NUBPL: variants seen among roughly 807,000 people sequenced by gnomAD.
NUBPL encodes the protein NUBP iron-sulfur cluster assembly factor, mitochondrial, also known as iron-sulfur cluster transfer protein NUBPL.
A neutral mutation model predicts 45.7 loss-of-function variants in NUBPL; 31 were observed. The ratio of observed to expected loss-of-function variants is 0.68; its 90% CI spans 0.51 to 0.92. NUBPL has a LOEUF of 0.92. Among genes scored for constraint, NUBPL ranks in the 40% least tolerant of loss-of-function variants. The probability of loss-of-function intolerance (pLI) is 0.00; values close to 1 mark genes in which losing one functional copy is unlikely to be tolerated. For synonymous variants in NUBPL, 144 were observed against 140.9 expected (o/e 1.02, Z -0.15); for missense variants, 401 against 398.7 (o/e 1.01, Z -0.05).
chr14:31,802,431 A>G (rs2039609686), intron 7 of NUBPL, among the ~76,000 whole-genome samples: 1 of 152,038 alleles, frequency 6.6e-6, no homozygotes, highest in South Asian at 2.1e-4. Flanking sequence ...GCGTGCCACC[A>G]TGCCTGGCTA....
chr14:31,747,077 A>G (rs1240955237), intron 6 of NUBPL, among the ~76,000 whole-genome samples: 2 of 150,202 alleles, frequency 1.3e-5, no homozygotes, highest in Non-Finnish European at 3.0e-5. Context: ...GTCTCCAAAA[A>G]AAAAAAAAAA....
At chr14:31,753,235 C>A (rs1167893035) in intron 6 of NUBPL, among the ~76,000 whole-genome samples, 2 of 152,136 alleles carry the variant, frequency 1.3e-5, no homozygotes, top group African/African-American at 4.8e-5. Context: ...TCCAGTGGCT[C>A]CACTGGTCAC....
chr14:31,572,012 C>T (rs969922453), intron 3 of NUBPL, among the ~76,000 whole-genome samples: 1 of 152,046 alleles, frequency 6.6e-6, no homozygotes, highest in African/African-American at 2.4e-5. Context: ...AGCAGAAACA[C>T]CTATAGGTTA....
Position 31,859,220 on chromosome 14 carries a change from A to T in NUBPL, c.*40A>T, listed in dbSNP as rs763617355. The T allele has an allele frequency of 1.3e-6, 2 of 1,503,792 alleles. No individual in the cohort carries two copies. Among genetic ancestry groups the T allele is most frequent in the Non-Finnish European group, 1.9e-6 (2 of 1,079,894 alleles). 93.2% of individuals were successfully genotyped at this position (1,503,792 alleles called of 1,614,324 possible). A position where few individuals can be genotyped will look rare whatever the true frequency, so the allele number is the denominator to read the frequency against. ...TGGAAATTTGCCTGGTACTGACATT[A>T]AGAGGACCTTTGGAAATCAGCAATG... On this transcript the variant is annotated 3_prime_UTR_variant, in exon 11 of 11. Transcript: ENST00000281081.
At chr14:31,779,789 A>C (rs963024413) in intron 6 of NUBPL, among the ~76,000 whole-genome samples, 17 of 152,226 alleles carry the variant, frequency 1.1e-4, no homozygotes, top group African/African-American at 4.1e-4. Flanking sequence ...CCTTAGAAGC[A>C]TAACTTTTTC....
At chr14:31,795,254 TC>T (rs1355136280) in intron 7 of NUBPL, among the ~76,000 whole-genome samples, 1 of 150,498 alleles carries the variant, frequency 6.6e-6, no homozygotes, top group Non-Finnish European at 1.5e-5. Context: ...AGTAGTTTTT[TC>T]CAATTCTGTG....
chr14:31,562,708 C>G (rs1017790249), intron 2 of NUBPL: 47 of 150,976 alleles, frequency 3.1e-4, no homozygotes, highest in African/African-American at 1.1e-3. Flanking sequence ...GGGTTCACGC[C>G]ATTCTCCTGC....
intron 6 of NUBPL, among the ~76,000 whole-genome samples, chr14:31,737,315 G>A (rs997243673): frequency 1.3e-5 from 2 of 152,168 alleles, no homozygotes; most frequent in Non-Finnish European, 1.5e-5. Flanking sequence ...TTTTTGAATA[G>A]TGTGAAATAA....
intron 8 of NUBPL, among the ~76,000 whole-genome samples, chr14:31,834,998 G>T (rs1356503513): frequency 6.6e-6 from 1 of 152,122 alleles, no homozygotes; most frequent in African/African-American, 2.4e-5. Flanking sequence ...GCTTGTTATT[G>T]GGGTTCTGAT....
intron 6 of NUBPL, among the ~76,000 whole-genome samples, chr14:31,753,460 G>A (rs570921674): frequency 6.6e-6 from 1 of 152,210 alleles, no homozygotes; most frequent in South Asian, 2.1e-4. Flanking sequence ...TACACAGTGT[G>A]GTACCTGGTG....
intron 7 of NUBPL, among the ~76,000 whole-genome samples, chr14:31,790,479 T>C (rs2039359825): frequency 6.6e-6 from 1 of 152,190 alleles, no homozygotes; most frequent in Non-Finnish European, 1.5e-5. Flanking sequence ...AATAATATAT[T>C]GGCATTGTTG....
intron 7 of NUBPL, among the ~76,000 whole-genome samples, chr14:31,789,158 C>CT: frequency 6.6e-6 from 1 of 152,110 alleles, no homozygotes; most frequent in East Asian, 1.9e-4. Context: ...AACCACATCT[C>CT]TACTGAAAAT....
chr14:31,699,868 TA>T (rs1387261095), intron 6 of NUBPL, among the ~76,000 whole-genome samples: 1 of 152,220 alleles, frequency 6.6e-6, no homozygotes, highest in East Asian at 1.9e-4. Context: ...GTGATGTCAA[TA>T]ACTGCAGTAA....
intron 3 of NUBPL, among the ~76,000 whole-genome samples, chr14:31,597,172 T>C (rs2034306173): frequency 6.6e-6 from 1 of 152,204 alleles, no homozygotes; most frequent in African/African-American, 2.4e-5. Flanking sequence ...ATGCAAGCAT[T>C]GGTACTAAAT....
chr14:31,805,268 G>T (rs1595655161), intron 7 of NUBPL, among the ~76,000 whole-genome samples: 1 of 152,326 alleles, frequency 6.6e-6, no homozygotes, highest in South Asian at 2.1e-4. Flanking sequence ...AAAAATAACA[G>T]ATGCTGATGA....
chr14:31,578,043 G>T (rs2033763538), intron 3 of NUBPL: 1 of 1,173,810 alleles, frequency 8.5e-7, no homozygotes, highest in Admixed American at 2.3e-5. Flanking sequence ...ATTGAAAACA[G>T]ATTACACTTT....
Position 31,785,730 on chromosome 14 carries a change from G to A in NUBPL, c.514-2050G>A, listed in dbSNP as rs151089333. On this transcript the variant is annotated intron_variant, in intron 6 of 10. Coordinates refer to ENST00000281081, the MANE Select transcript of NUBPL (RefSeq NM_025152.3). ...TCCATCATGGTTGTGATTTTATTATGTTTATTGCTCTATTACCATCACCTG... is the reference window on the plus strand; with the variant it reads ...TCCATCATGGTTGTGATTTTATTATATTTATTGCTCTATTACCATCACCTG... 2.1e-3 allele frequency among the ~76,000 whole-genome samples: 319 copies of A among 152,202 alleles called. 1 individual carries two copies. The highest frequency in any genetic ancestry group is 7.3e-3 in the African/African-American group (304 of 41,528).
chr14:31,812,166 C>G (rs963559449), intron 7 of NUBPL, among the ~76,000 whole-genome samples: 4 of 152,206 alleles, frequency 2.6e-5, no homozygotes, highest in Non-Finnish European at 5.9e-5. Flanking sequence ...AACCACTGCT[C>G]TTTTCAGAGC....
intron 4 of NUBPL, among the ~76,000 whole-genome samples, chr14:31,653,289 G>T (rs191474937): frequency 6.6e-6 from 1 of 152,164 alleles, no homozygotes; most frequent in African/African-American, 2.4e-5. Context: ...CCAGGGTGGG[G>T]TTTTTCCCCA....
Sources: allele counts gnomAD v4.1 joint callset (sites outside exome capture counted in the v4.1 genomes callset), GRCh38; gene constraint gnomAD v4.1.1; transcripts MANE v1.5; gene names NCBI Gene and HGNC (gene_info 2026-07-23, HGNC 2026-07-21).